The following ARHGEF26 variants were observed in gnomAD, a reference collection of about 807,000 sequenced individuals.
ARHGEF26 encodes the protein Rho guanine nucleotide exchange factor 26.
Under a neutral mutation model 89.4 loss-of-function variants are expected in ARHGEF26, and 59 were observed. The ratio of observed to expected loss-of-function variants is 0.66; its 90% CI spans 0.54 to 0.82. ARHGEF26 has a LOEUF of 0.82. Among genes scored for constraint, ARHGEF26 ranks in the 40% least tolerant of loss-of-function variants. ARHGEF26 has a pLI of 0.00. For synonymous variants in ARHGEF26, 500 were observed against 428.4 expected, an observed-to-expected ratio of 1.17 and a Z score of -2.06; for missense variants, 1,234 against 1,085.6, an observed-to-expected ratio of 1.14 and a Z score of -1.92.
chr3:154,153,208 T>G (rs1470662), intron 6 of ARHGEF26, among the ~76,000 whole-genome samples: 138,071 of 152,108 alleles, frequency 0.91, 62,881 homozygotes, highest in East Asian at 1. Flanking sequence ...TCAAGGAAAG[T>G]GTCTTCGTTT....
rs1269739102 is a variant in ARHGEF26, at chr3:154,217,970, C to T, written c.1935+12C>T. The T allele has an allele frequency of 2.6e-6, 4 of 1,562,144 alleles. No individual in the cohort carries two copies. Among genetic ancestry groups the T allele is most frequent in the Admixed American group, 1.9e-5 (1 of 52,976 alleles). ...AATTTAAAATTAAGGTATTCTCGTA[C>T]CTTGTTCATTACTGTTCTTGCCTAT... On this transcript the variant is annotated intron_variant, in intron 10 of 14. Transcript: ENST00000465093.
rs138177413 is a variant in ARHGEF26, at chr3:154,243,824, AAT to A, written c.2300+3250_2300+3251del. Among the ~76,000 whole-genome samples the A allele has an allele frequency of 6.0e-3, 905 of 151,760 alleles. 5 individuals carry two copies. The highest frequency in any genetic ancestry group is 0.021 in the African/African-American group (866 of 41,308). Reference sequence around the variant, plus strand: ...CATAAAATAGTATTGGTGTTGAAAAAATATATTTAACAACTAAAGACGCACTT... The same window carrying A: ...CATAAAATAGTATTGGTGTTGAAAAAATATTTAACAACTAAAGACGCACTT... On this transcript the variant is annotated intron_variant, in intron 12 of 14. Coordinates refer to ENST00000465093, the MANE Select transcript of ARHGEF26 (RefSeq NM_015595.4).
At chr3:154,121,850 C>T in intron 1 of ARHGEF26, 92 bp from the exon 2 acceptor site, 1 of 1,165,470 alleles carries the variant, frequency 8.6e-7, no homozygotes, top group Non-Finnish European at 1.2e-6. Context: ...TCCTGCGCAG[C>T]AGCAGGGGGA....
intron 6 of ARHGEF26, among the ~76,000 whole-genome samples, chr3:154,185,594 TC>T (rs1713475274): frequency 6.6e-6 from 1 of 152,142 alleles, no homozygotes; most frequent in South Asian, 2.1e-4. Flanking sequence ...CCTGCTACTC[TC>T]CCAGCACCTC....
chr3:154,126,152 A>G (rs1718317635), intron 3 of ARHGEF26, among the ~76,000 whole-genome samples: 1 of 152,180 alleles, frequency 6.6e-6, no homozygotes, highest in South Asian at 2.1e-4. Flanking sequence ...TCTGCTTTAC[A>G]TAGCATGACA....
chr3:154,227,964 C>T (rs2108264251), intron 11 of ARHGEF26, among the ~76,000 whole-genome samples: 1 of 152,274 alleles, frequency 6.6e-6, no homozygotes, highest in African/African-American at 2.4e-5. Flanking sequence ...CAGACCTACT[C>T]AATAAATATA....
intron 12 of ARHGEF26, among the ~76,000 whole-genome samples, chr3:154,243,432 G>C (rs748152429): frequency 6.6e-5 from 10 of 152,194 alleles, no homozygotes; most frequent in Admixed American, 6.5e-5. Context: ...TCATTTCTGA[G>C]ATGATTCCAA....
intron 14 of ARHGEF26, among the ~76,000 whole-genome samples, chr3:154,255,045 C>A (rs1269295896): frequency 6.6e-6 from 1 of 152,080 alleles, no homozygotes; most frequent in African/African-American, 2.4e-5. Context: ...AAATATTCGT[C>A]CTTTCAAAAA....
intron 13 of ARHGEF26, 93 bp downstream of exon 13, chr3:154,253,276 T>A: frequency 7.0e-7 from 1 of 1,432,982 alleles, no homozygotes; most frequent in Non-Finnish European, 9.7e-7. Context: ...ATTGCCACAA[T>A]ACTTGCCTAA....
chr3:154,218,160 G>A (rs992276932), intron 10 of ARHGEF26, among the ~76,000 whole-genome samples: 2 of 152,076 alleles, frequency 1.3e-5, no homozygotes, highest in Non-Finnish European at 2.9e-5. Flanking sequence ...CTGAAGCCAG[G>A]CATTATCTAA....
chr3:154,183,565 A>G (rs988332574), intron 6 of ARHGEF26, among the ~76,000 whole-genome samples: 1 of 152,196 alleles, frequency 6.6e-6, no homozygotes, highest in Admixed American at 6.5e-5. Context: ...CTCATTTTTT[A>G]GAAATACTTT....
At chr3:154,137,650 A>T (rs1436374012) in intron 4 of ARHGEF26, among the ~76,000 whole-genome samples, 2 of 152,114 alleles carry the variant, frequency 1.3e-5, no homozygotes, top group African/African-American at 4.8e-5. Flanking sequence ...TTATGTAAGC[A>T]ATATATAATA....
chr3:154,188,814 A>G (rs1234076282), intron 7 of ARHGEF26, among the ~76,000 whole-genome samples: 1 of 145,366 alleles, frequency 6.9e-6, no homozygotes, highest in Admixed American at 7.2e-5. Context: ...TTTCCTCCAC[A>G]TCTTCATGAC....
intron 9 of ARHGEF26, among the ~76,000 whole-genome samples, chr3:154,196,238 A>G (rs1372273135): frequency 6.6e-6 from 1 of 152,136 alleles, no homozygotes; most frequent in East Asian, 1.9e-4. Context: ...CTGAAAGGGA[A>G]GTGAGAGAGG....
intron 12 of ARHGEF26, among the ~76,000 whole-genome samples, chr3:154,247,867 CTG>C (rs1266154380): frequency 7.9e-5 from 12 of 152,186 alleles, no homozygotes; most frequent in African/African-American, 2.9e-4. Context: ...AGACAATACT[CTG>C]TGAAAAATAC....
At chr3:154,155,988 ATTG>A (rs1402201056) in intron 6 of ARHGEF26, among the ~76,000 whole-genome samples, 1 of 152,002 alleles carries the variant, frequency 6.6e-6, no homozygotes, top group Admixed American at 6.6e-5. Context: ...GGGATTTCAT[ATTG>A]TTCTAGATTT....
At chr3:154,228,658 C>G (rs1716641283) in intron 11 of ARHGEF26, among the ~76,000 whole-genome samples, 1 of 151,994 alleles carries the variant, frequency 6.6e-6, no homozygotes, top group African/African-American at 2.4e-5. Context: ...AGGTTACATG[C>G]AAACCACAGA....
intron 12 of ARHGEF26, among the ~76,000 whole-genome samples, chr3:154,242,303 T>C (rs1260856563): frequency 2.0e-5 from 3 of 152,312 alleles, no homozygotes; most frequent in Middle Eastern, 3.4e-3. Flanking sequence ...TTAAAAACAT[T>C]CATAATTTCA....
At chr3:154,146,740 CAT>C (rs1719727806) in intron 4 of ARHGEF26, among the ~76,000 whole-genome samples, 1 of 152,176 alleles carries the variant, frequency 6.6e-6, no homozygotes, top group African/African-American at 2.4e-5. Context: ...ATATTTTTAA[CAT>C]GTCAAAACTG....
Sources: allele counts gnomAD v4.1 joint callset (sites outside exome capture counted in the v4.1 genomes callset), GRCh38; gene constraint gnomAD v4.1.1; transcripts MANE v1.5; gene names NCBI Gene and HGNC (gene_info 2026-07-23, HGNC 2026-07-21).